SNTG2: variants seen among roughly 807,000 people sequenced by gnomAD.
The protein encoded by SNTG2 is gamma-2-syntrophin.
A neutral mutation model predicts 70.9 loss-of-function variants in SNTG2; 74 were observed. The observed-to-expected ratio is 1.04, with a 90% confidence interval of 0.86 to 1.27. The LOEUF (loss-of-function observed/expected upper bound fraction) is 1.27. Among genes scored for constraint, SNTG2 ranks in the 50% most tolerant of loss-of-function variants. The pLI, the probability that SNTG2 is intolerant of heterozygous loss-of-function variation, is 0.00. For missense variants in SNTG2, 717 were observed against 690.7 expected (o/e 1.04, Z -0.43); for synonymous variants, 278 against 273.8 (o/e 1.02, Z -0.15).
Position 1,329,667 on chromosome 2 carries a change from G to C in SNTG2, c.1488+13292G>C, listed in dbSNP as rs113263143. On this transcript the variant is annotated intron_variant, in intron 16 of 16. Coordinates refer to ENST00000308624, the MANE Select transcript of SNTG2 (RefSeq NM_018968.4). ...ATAATTGCTTTTCTTTCCTTCATGTGTTCTTAGTTTTGACACTTTCCTGAA... is the reference window on the plus strand; with the variant it reads ...ATAATTGCTTTTCTTTCCTTCATGTCTTCTTAGTTTTGACACTTTCCTGAA... 5.6e-3 allele frequency among the ~76,000 whole-genome samples: 859 copies of C among 152,318 alleles called. 4 individuals are homozygous for C. The highest frequency in any genetic ancestry group is 8.8e-3 in the Non-Finnish European group (596 of 68,034).
intron 11 of SNTG2, among the ~76,000 whole-genome samples, chr2:1,244,045 G>A (rs28606392): frequency 0.34 from 51,861 of 152,104 alleles, 11,112 homozygotes; most frequent in African/African-American, 0.61. Flanking sequence ...GTGGTGGTGG[G>A]GGTGGCTGGG....
intron 1 of SNTG2, among the ~76,000 whole-genome samples, chr2:993,899 A>G (rs1661588390): frequency 6.6e-6 from 1 of 152,164 alleles, no homozygotes; most frequent in Admixed American, 6.5e-5. Flanking sequence ...TTCTGGATAC[A>G]TGTAGATATA....
At chr2:1,056,969 GGAGA>G (rs1558349508) in intron 1 of SNTG2, among the ~76,000 whole-genome samples, 1 of 143,172 alleles carries the variant, frequency 7.0e-6, no homozygotes, top group African/African-American at 2.6e-5. Context: ...AGGGAGGGAG[GGAGA>G]GCGCGGGGCC....
intron 9 of SNTG2, among the ~76,000 whole-genome samples, chr2:1,216,702 T>A (rs897878976): frequency 5.9e-5 from 9 of 151,912 alleles, no homozygotes; most frequent in Non-Finnish European, 1.3e-4. Context: ...GACAGGAGAG[T>A]CCCTCTGGGT....
In SNTG2 at chr2:1,240,519, G is replaced by A. The variant is rs376786964; in HGVS notation, c.888+743G>A. On this transcript the variant is annotated intron_variant, in intron 11 of 16. Coordinates refer to ENST00000308624, the MANE Select transcript of SNTG2 (RefSeq NM_018968.4). Reference sequence around the variant, plus strand: ...TTATTTATAGTTCATTCATTTTCTGGTTACATCTCTTAGGGGCGTAAGGAA... The same window carrying A: ...TTATTTATAGTTCATTCATTTTCTGATTACATCTCTTAGGGGCGTAAGGAA... Among the ~76,000 whole-genome samples the A allele has an allele frequency of 1.2e-4, 19 of 152,154 alleles. No homozygotes were observed. The East Asian group carries it at 2.1e-3, about 17-fold the overall frequency.
At chr2:1,266,307 T>A (rs1466224361) in intron 13 of SNTG2, among the ~76,000 whole-genome samples, 1 of 152,100 alleles carries the variant, frequency 6.6e-6, no homozygotes, top group African/African-American at 2.4e-5. Context: ...TCTTCTGCCC[T>A]TGATAAAATG....
intron 9 of SNTG2, among the ~76,000 whole-genome samples, chr2:1,234,219 G>A (rs932152095): frequency 4.6e-5 from 7 of 152,174 alleles, no homozygotes; most frequent in African/African-American, 7.2e-5. Flanking sequence ...GCATCCAGAC[G>A]TGCCTGAAAG....
intron 16 of SNTG2, among the ~76,000 whole-genome samples, chr2:1,363,924 T>C (rs1033784417): frequency 2.0e-5 from 3 of 152,188 alleles, no homozygotes; most frequent in African/African-American, 7.2e-5. Flanking sequence ...AGTTTTAGTG[T>C]GGAATTTAGT....
chr2:1,215,477 G>T (rs1489954523), intron 9 of SNTG2, among the ~76,000 whole-genome samples: 4 of 151,948 alleles, frequency 2.6e-5, no homozygotes, highest in African/African-American at 9.7e-5. Flanking sequence ...TAATTCCATT[G>T]TGATAGGTTG....
intron 16 of SNTG2, among the ~76,000 whole-genome samples, chr2:1,356,999 A>T (rs10789523): frequency 0.72 from 109,645 of 151,560 alleles, 39,880 homozygotes; most frequent in East Asian, 0.94. Flanking sequence ...ATGCAACTTT[A>T]TTGTGTGTAT....
chr2:1,209,276 C>T (rs1673881964), intron 9 of SNTG2, 46 bp downstream of exon 9: 3 of 1,610,690 alleles, frequency 1.9e-6, no homozygotes, highest in Non-Finnish European at 2.5e-6. Flanking sequence ...GAACCCCGTG[C>T]ACTTTTGCCA....
intron 2 of SNTG2, among the ~76,000 whole-genome samples, chr2:1,092,712 C>A (rs1471593463): frequency 2.0e-5 from 3 of 152,150 alleles, no homozygotes; most frequent in Non-Finnish European, 4.4e-5. Flanking sequence ...ATCTTATATA[C>A]CCCCAAACCA....
intron 1 of SNTG2, among the ~76,000 whole-genome samples, chr2:1,031,528 ATTTTT>A (rs745388505): frequency 3.2e-3 from 189 of 59,108 alleles, no homozygotes; most frequent in South Asian, 8.7e-3. Context: ...ATATATATAT[ATTTTT>A]TTTTTTTTTT....
chr2:1,263,576 G>A (rs941032481), intron 13 of SNTG2, among the ~76,000 whole-genome samples: 3 of 151,858 alleles, frequency 2.0e-5, no homozygotes, highest in Non-Finnish European at 2.9e-5. Flanking sequence ...TTCTTCAGTC[G>A]TGGGGGTGGC....
chr2:1,015,884 A>G lies in SNTG2; in HGVS notation c.72+64816A>G, dbSNP rs953339132. ...ATCTGTATCTGCTGCCCTGCAAGAC[A>G]AAAGACTTGCAGATGGCCCATGCAG... On this transcript the variant is annotated intron_variant, in intron 1 of 16. Transcript: ENST00000308624. Among the ~76,000 whole-genome samples, 5 of 152,362 alleles carry G rather than the reference A, an allele frequency of 3.3e-5. No homozygotes were observed. The East Asian group carries it at 9.6e-4, about 29-fold the overall frequency.
At chr2:1,315,099 G>A (rs1681210069) in intron 15 of SNTG2, among the ~76,000 whole-genome samples, 1 of 152,196 alleles carries the variant, frequency 6.6e-6, no homozygotes, top group Non-Finnish European at 1.5e-5. Context: ...GGATCCTGAT[G>A]CCCAAAGTCT....
intron 12 of SNTG2, among the ~76,000 whole-genome samples, chr2:1,253,172 G>T (rs1214066673): frequency 6.6e-6 from 1 of 152,136 alleles, no homozygotes; most frequent in Non-Finnish European, 1.5e-5. Flanking sequence ...CATGGGAGAA[G>T]CACGTGGGGC....
Position 1,097,612 on chromosome 2 carries a change from C to A in SNTG2, c.211-584C>A, listed in dbSNP as rs993926179. Among the ~76,000 whole-genome samples, 1 of 152,082 alleles carries A rather than the reference C, an allele frequency of 6.6e-6. No homozygotes were observed. Among genetic ancestry groups the A allele is most frequent in the African/African-American group, 2.4e-5 (1 of 41,410 alleles). Reference sequence around the variant, plus strand: ...GCGCAAGAGATTTGGAGATTTTTTACCATTTCACTAGCCAGTTAAAGGCCT... The same window carrying A: ...GCGCAAGAGATTTGGAGATTTTTTAACATTTCACTAGCCAGTTAAAGGCCT... On this transcript the variant is annotated intron_variant, in intron 2 of 16. Coordinates refer to ENST00000308624, the MANE Select transcript of SNTG2 (RefSeq NM_018968.4). This position sits in a 1 kb window ranked among gnomAD's most constrained non-coding sequence, Gnocchi z 4.1.
intron 6 of SNTG2, among the ~76,000 whole-genome samples, chr2:1,139,619 G>C (rs530454358): frequency 2.0e-5 from 3 of 152,184 alleles, no homozygotes; most frequent in Admixed American, 1.3e-4. Flanking sequence ...TGAGGCCAGA[G>C]GTTCAAGTCC....
Sources: gnomAD v4.1 joint callset for allele counts (sites outside exome capture counted in the v4.1 genomes callset) on GRCh38, gnomAD v4.1.1 for gene constraint, Gnocchi (gnomAD v3.1) non-coding constraint, MANE v1.5 for transcripts, NCBI Gene and HGNC (gene_info 2026-07-23, HGNC 2026-07-21) for gene names.